The following RASGEF1C variants were observed in gnomAD, a reference collection of about 807,000 sequenced individuals.
RASGEF1C encodes RasGEF domain family member 1C, also known as ras-GEF domain-containing family member 1C.
A neutral mutation model predicts 58.1 loss-of-function variants in RASGEF1C; 27 were observed. That is an observed-to-expected ratio of 0.46 (90% CI 0.34 to 0.64). The LOEUF (loss-of-function observed/expected upper bound fraction) is 0.64, where lower values mean the gene tolerates loss of function less well. Among genes scored for constraint, RASGEF1C ranks in the 30% least tolerant of loss-of-function variants. RASGEF1C has a pLI of 0.01. For missense variants in RASGEF1C, 502 were observed against 605.1 expected (o/e 0.83, Z 1.79); for synonymous variants, 243 against 246.3 (o/e 0.99, Z 0.13).
Position 180,137,495 on chromosome 5 carries a change from G to A in RASGEF1C, c.300+95C>T. ...GTAGCCACCTTGTCAGGAAAACGGGGACAATCATTGCCTCCCCGAGAGGCT... is the reference window on the plus strand; with the variant it reads ...GTAGCCACCTTGTCAGGAAAACGGGAACAATCATTGCCTCCCCGAGAGGCT... On this transcript the variant is annotated intron_variant, in intron 3 of 13. Coordinates refer to ENST00000361132, the MANE Select transcript of RASGEF1C (RefSeq NM_175062.4). The surrounding 1 kb of genome is among the most constrained non-coding windows in gnomAD (Gnocchi z 4.1). 1 of 1,508,364 alleles carries A rather than the reference G, an allele frequency of 6.6e-7. No homozygotes were observed. The allele number at this position is 1,508,364 out of a possible 1,614,324, so 93.4% of individuals were successfully genotyped here. A position where few individuals can be genotyped will look rare whatever the true frequency, so the allele number is the denominator to read the frequency against.
In RASGEF1C at chr5:180,135,048, C is replaced by G. The variant is rs558062212; in HGVS notation, c.438+1330G>C. Among the ~76,000 whole-genome samples the G allele has an allele frequency of 1.4e-3, 201 of 143,412 alleles. 2 individuals are homozygous for G. Among genetic ancestry groups the G allele is most frequent in the African/African-American group, 5.0e-3 (192 of 38,782 alleles). 94.1% of individuals were successfully genotyped at this position (143,412 alleles called of 152,430 possible). A position where few individuals can be genotyped will look rare whatever the true frequency, so the allele number is the denominator to read the frequency against. On this transcript the variant is annotated intron_variant, in intron 4 of 13. Coordinates refer to ENST00000361132, the MANE Select transcript of RASGEF1C (RefSeq NM_175062.4). ...CCATCCCGTTTCCGCTGTCCCCACC[C>G]CCCCCGTCCAATCATCAACTGTTCC...
intron 1 of RASGEF1C, among the ~76,000 whole-genome samples, chr5:180,200,476 A>T (rs931911946): frequency 2.0e-5 from 3 of 149,624 alleles, no homozygotes; most frequent in Admixed American, 6.6e-5. Flanking sequence ...CGCCAGGCTA[A>T]TTTTTTTTTG....
intron 1 of RASGEF1C, among the ~76,000 whole-genome samples, chr5:180,144,214 G>T (rs958212342): frequency 5.9e-5 from 9 of 152,182 alleles, no homozygotes; most frequent in Non-Finnish European, 1.2e-4. Flanking sequence ...CAACTGCACC[G>T]CCATGGTTCC....
chr5:180,160,995 C>G (rs972166858), intron 1 of RASGEF1C, among the ~76,000 whole-genome samples: 3 of 152,162 alleles, frequency 2.0e-5, no homozygotes, highest in African/African-American at 7.2e-5. Context: ...TTGGCACAGC[C>G]CTGGAAGTTG....
chr5:180,166,832 A>G (rs544714580), intron 1 of RASGEF1C, among the ~76,000 whole-genome samples: 5 of 152,292 alleles, frequency 3.3e-5, no homozygotes, highest in African/African-American at 1.2e-4. Context: ...AATATTTTTA[A>G]TAGATGTAGA....
intron 1 of RASGEF1C, among the ~76,000 whole-genome samples, chr5:180,190,506 AAAT>A (rs370402852): frequency 0.099 from 9,517 of 96,468 alleles, 570 homozygotes; most frequent in African/African-American, 0.12. Flanking sequence ...AAAAAAAAAA[AAAT>A]AATAATAATA....
At position 180,146,947 on chromosome 5, in the gene RASGEF1C, T is replaced by C. The variant is rs192090866; in HGVS notation, c.-6-8889A>G. Among the ~76,000 whole-genome samples, 256 of 152,296 alleles carry C rather than the reference T, an allele frequency of 1.7e-3. 3 individuals are homozygous for C. The highest frequency in any genetic ancestry group is 5.6e-3 in the African/African-American group (232 of 41,562). ...GTGAAACCACCAGGTCCAGGACTTT[T>C]TTGTTGTTGGAAGGCTTTTAATTAC... is the stretch of plus-strand genomic sequence containing the variant. On this transcript the variant is annotated intron_variant, in intron 1 of 13. Coordinates refer to ENST00000361132, the MANE Select transcript of RASGEF1C (RefSeq NM_175062.4).
intron 1 of RASGEF1C, among the ~76,000 whole-genome samples, chr5:180,199,207 A>G (rs1756335741): frequency 6.6e-6 from 1 of 152,160 alleles, no homozygotes; most frequent in African/African-American, 2.4e-5. Flanking sequence ...CTGACTCAAA[A>G]TGCTTAGCCT....
chr5:180,152,104 C>A (rs1233197606), intron 1 of RASGEF1C, among the ~76,000 whole-genome samples: 1 of 151,392 alleles, frequency 6.6e-6, no homozygotes, highest in Non-Finnish European at 1.5e-5. Flanking sequence ...AATAGGAACA[C>A]TTTTACACTG....
Position 180,182,300 on chromosome 5 carries a change from C to T in RASGEF1C, c.-7+26728G>A, listed in dbSNP as rs553252177. On this transcript the variant is annotated intron_variant, in intron 1 of 13. Transcript: ENST00000361132. ...AAAGGTGGTGTGTCTGGAGTTTCTT[C>T]CTTCCGGTGGGTTTGTGGTCTCGCT... Among the ~76,000 whole-genome samples, 79 of 149,522 alleles carry T rather than the reference C, an allele frequency of 5.3e-4. 2 individuals are homozygous for T. In the South Asian group the frequency reaches 0.017, roughly 31 times the overall value.
chr5:180,103,690 T>C (rs1342255647), intron 12 of RASGEF1C, among the ~76,000 whole-genome samples: 1 of 152,244 alleles, frequency 6.6e-6, no homozygotes, highest in Non-Finnish European at 1.5e-5. Context: ...CTTATCGCAC[T>C]AACTAGTTCT....
intron 1 of RASGEF1C, among the ~76,000 whole-genome samples, chr5:180,179,650 G>A (rs1767290272): frequency 6.6e-6 from 1 of 152,230 alleles, no homozygotes; most frequent in Admixed American, 6.5e-5. Flanking sequence ...GACGCGTCCT[G>A]CCACTGGGCG....
intron 1 of RASGEF1C, among the ~76,000 whole-genome samples, chr5:180,182,313 T>C (rs1031156540): frequency 2.6e-5 from 4 of 151,848 alleles, no homozygotes; most frequent in Non-Finnish European, 4.4e-5. Flanking sequence ...TCCGGTGGGT[T>C]TGTGGTCTCG....
At chr5:180,182,061 C>T (rs993809731) in intron 1 of RASGEF1C, among the ~76,000 whole-genome samples, 8 of 151,726 alleles carry the variant, frequency 5.3e-5, no homozygotes, top group Admixed American at 6.6e-5. Context: ...AAAAATTAGC[C>T]GGGCATGGTG....
chr5:180,180,296 A>AGG (rs1010432535), intron 1 of RASGEF1C, among the ~76,000 whole-genome samples: 2 of 152,218 alleles, frequency 1.3e-5, no homozygotes, highest in African/African-American at 4.8e-5. Flanking sequence ...GCTGGTGGAA[A>AGG]GGGTGGCCTG....
At chr5:180,204,791 T>C (rs1241224557) in intron 1 of RASGEF1C, among the ~76,000 whole-genome samples, 1 of 152,124 alleles carries the variant, frequency 6.6e-6, no homozygotes, top group Non-Finnish European at 1.5e-5. Context: ...GAATTGGAGG[T>C]ATTCAGCCAA....
At chr5:180,107,834 C>T (rs979557600) in intron 12 of RASGEF1C, among the ~76,000 whole-genome samples, 1 of 152,188 alleles carries the variant, frequency 6.6e-6, no homozygotes, top group African/African-American at 2.4e-5. Flanking sequence ...GTTGGTCAGG[C>T]TGGTCTCGAA....
At chr5:180,149,337 C>T (rs1468507409) in intron 1 of RASGEF1C, among the ~76,000 whole-genome samples, 3 of 151,270 alleles carry the variant, frequency 2.0e-5, no homozygotes, top group African/African-American at 4.9e-5. Context: ...CTGCCCACCT[C>T]AGCCTCCCAA....
chr5:180,103,146 C>T lies in RASGEF1C; in HGVS notation c.1304-1003G>A, dbSNP rs565663643. On this transcript the variant is annotated intron_variant, in intron 12 of 13. Transcript: ENST00000361132. ...AGGCTGGAGTGCAGTGGCGCGATCT[C>T]GGCTCACTGCAAGCTCTGCCTCCCG... is the stretch of plus-strand genomic sequence containing the variant. Among the ~76,000 whole-genome samples, 45 of 152,292 alleles carry T rather than the reference C, an allele frequency of 3.0e-4. No individual in the cohort carries two copies. The East Asian group carries it at 3.5e-3, about 12-fold the overall frequency.
Sources: gnomAD v4.1 joint callset for allele counts (sites outside exome capture counted in the v4.1 genomes callset) on GRCh38, gnomAD v4.1.1 for gene constraint, Gnocchi (gnomAD v3.1) non-coding constraint, MANE v1.5 for transcripts, NCBI Gene and HGNC (gene_info 2026-07-23, HGNC 2026-07-21) for gene names.